The following CCDC171 variants were observed in gnomAD, a reference collection of about 807,000 sequenced individuals.
CCDC171 encodes the protein coiled-coil domain containing 171.
A neutral mutation model predicts 168.2 loss-of-function variants in CCDC171; 177 were observed. That is an observed-to-expected ratio of 1.05 (90% CI 0.93 to 1.19). The LOEUF is 1.19. Among genes scored for constraint, CCDC171 ranks in the 50% most tolerant of loss-of-function variants. CCDC171 has a pLI of 0.00. For synonymous variants in CCDC171, 687 were observed against 540.8 expected (o/e 1.27, Z -3.75); for missense variants, 1,991 against 1,539.0 (o/e 1.29, Z -4.91).
rs1451922490 is a variant in CCDC171 at position 15,819,839 on chromosome 9, C to G, written c.3268-26863C>G. On this transcript the variant is annotated intron_variant, in intron 21 of 25. Transcript: ENST00000380701. The stretch of plus-strand genomic sequence containing the variant: ...TGAACTCAGCTCTGCACGAAGAGGA[C>G]CTAATAGACATCTACAGAACTCTCC... Among the ~76,000 whole-genome samples the G allele has an allele frequency of 2.6e-5, 3 of 117,344 alleles. 1 individual carries two copies. Among genetic ancestry groups the G allele is most frequent in the African/African-American group, 9.6e-5 (3 of 31,124 alleles). The allele number at this position is 117,344 out of a possible 152,430, so 77.0% of individuals were successfully genotyped here. A position where few individuals can be genotyped will look rare whatever the true frequency, so the allele number is the denominator to read the frequency against.
intron 11 of CCDC171, among the ~76,000 whole-genome samples, chr9:15,713,326 T>C (rs1189241057): frequency 1.3e-5 from 2 of 151,306 alleles, no homozygotes; most frequent in African/African-American, 4.9e-5. Context: ...TTTTTTTTTT[T>C]TTCTATTTGT....
At chr9:15,903,273 G>C (rs146792631) in intron 24 of CCDC171, among the ~76,000 whole-genome samples, 1 of 152,122 alleles carries the variant, frequency 6.6e-6, no homozygotes, top group Non-Finnish European at 1.5e-5. Context: ...TAACTGGGAG[G>C]CACCCCCCTA....
At chr9:16,082,287 T>G in the CCDC171 span, among the ~76,000 whole-genome samples, 1 of 152,250 alleles carries the variant, frequency 6.6e-6, no homozygotes. Context: ...ATAAAATGAT[T>G]ATTTCCAACA....
chr9:15,652,788 C>A (rs1288122315), intron 7 of CCDC171, among the ~76,000 whole-genome samples: 2 of 152,076 alleles, frequency 1.3e-5, no homozygotes, highest in African/African-American at 4.8e-5. Flanking sequence ...CATATGTCTT[C>A]CATCTTTATT....
At chr9:16,065,006 T>C (rs919330182), downstream of CCDC171, among the ~76,000 whole-genome samples, 2 of 152,224 alleles carry the variant, frequency 1.3e-5, no homozygotes, top group Admixed American at 1.3e-4. Context: ...ATTTGTATTG[T>C]TAAGTGCACC....
At chr9:16,083,902 G>C in the CCDC171 span, among the ~76,000 whole-genome samples, 2 of 152,218 alleles carry the variant, frequency 1.3e-5, no homozygotes, top group Non-Finnish European at 2.9e-5. Context: ...GCAGGGCTCA[G>C]TCCTCCCTTT....
chr9:16,099,341 G>A, the CCDC171 span, among the ~76,000 whole-genome samples: 9 of 152,190 alleles, frequency 5.9e-5, no homozygotes, highest in Non-Finnish European at 5.9e-5. Context: ...TGGCAGAGGA[G>A]CCTCCAGGCT....
chr9:15,894,312 G>A (rs1820607686), intron 24 of CCDC171, among the ~76,000 whole-genome samples: 1 of 152,076 alleles, frequency 6.6e-6, no homozygotes, highest in African/African-American at 2.4e-5. Context: ...AGGAAGGATA[G>A]CTAATGGATG....
chr9:15,649,641 T>C (rs2047343553), intron 7 of CCDC171, among the ~76,000 whole-genome samples: 1 of 152,198 alleles, frequency 6.6e-6, no homozygotes, highest in African/African-American at 2.4e-5. Flanking sequence ...AACAGACACA[T>C]GAAAAAATGC....
At chr9:15,714,670 T>C (rs1279256202) in intron 11 of CCDC171, among the ~76,000 whole-genome samples, 2 of 152,204 alleles carry the variant, frequency 1.3e-5, no homozygotes, top group Admixed American at 6.5e-5. Context: ...CGGTATTTTT[T>C]GGCACTATGT....
Position 15,618,645 on chromosome 9 carries a change from A to G in CCDC171, c.676-4622A>G, listed in dbSNP as rs558290295. Among the ~76,000 whole-genome samples the G allele has an allele frequency of 2.0e-5, 3 of 152,320 alleles. No homozygotes were observed. The South Asian group carries it at 6.2e-4, about 32-fold the overall frequency. On this transcript the variant is annotated intron_variant, in intron 6 of 25. Coordinates refer to ENST00000380701, the MANE Select transcript of CCDC171 (RefSeq NM_173550.4). The stretch of plus-strand genomic sequence containing the variant: ...GCTTGAAACACAGGGCCCTGGTGGC[A>G]TAGGGTCACGAGGGAATCTCCTGAT...
chr9:15,750,304 T>C (rs1015118062), intron 18 of CCDC171, among the ~76,000 whole-genome samples: 3 of 151,802 alleles, frequency 2.0e-5, no homozygotes, highest in African/African-American at 4.8e-5. Context: ...CAATAACAGG[T>C]TCTGAAATTG....
chr9:15,861,075 A>T (rs1364996462), intron 23 of CCDC171, among the ~76,000 whole-genome samples: 1 of 151,490 alleles, frequency 6.6e-6, no homozygotes, highest in East Asian at 1.9e-4. Context: ...TCTATTTTGT[A>T]TGATATAAAT....
At position 15,561,715 on chromosome 9, in the gene CCDC171, C is replaced by T. The variant is rs79568814; in HGVS notation, c.-111-2263C>T. On this transcript the variant is annotated intron_variant, in intron 1 of 25. Transcript: ENST00000380701. ...ATCATAGTTCATATTCAGCCACTGACCGTATCAACTTTGGTCCTTCATTGA... is the reference window on the plus strand; with the variant it reads ...ATCATAGTTCATATTCAGCCACTGATCGTATCAACTTTGGTCCTTCATTGA... 2.0e-5 allele frequency among the ~76,000 whole-genome samples: 3 copies of T among 152,218 alleles called. 1 individual carries two copies. In the East Asian group the frequency reaches 5.8e-4, roughly 29 times the overall value.
the CCDC171 span, among the ~76,000 whole-genome samples, chr9:16,074,332 A>G: frequency 3.9e-5 from 6 of 152,188 alleles, no homozygotes; most frequent in African/African-American, 9.7e-5. Context: ...CTGGCATTTT[A>G]GTGAAGTTTT....
intron 7 of CCDC171, among the ~76,000 whole-genome samples, chr9:15,629,735 C>G (rs776514411): frequency 1.3e-5 from 2 of 152,088 alleles, no homozygotes; most frequent in Non-Finnish European, 2.9e-5. Context: ...TCAGATTCAC[C>G]AAAGTTGAAA....
chr9:16,076,226 C>G, the CCDC171 span, among the ~76,000 whole-genome samples: 1 of 152,192 alleles, frequency 6.6e-6, no homozygotes, highest in Non-Finnish European at 1.5e-5. Context: ...AACTCCTTTT[C>G]CAACATGGGA....
intron 11 of CCDC171, among the ~76,000 whole-genome samples, chr9:15,715,435 A>C (rs2053009245): frequency 6.6e-6 from 1 of 152,228 alleles, no homozygotes; most frequent in Admixed American, 6.5e-5. Context: ...AGTGCTTTTA[A>C]AATGAAAACA....
the CCDC171 span, among the ~76,000 whole-genome samples, chr9:16,093,701 A>C: frequency 2.0e-5 from 3 of 152,192 alleles, no homozygotes; most frequent in Non-Finnish European, 4.4e-5. Flanking sequence ...CTTAAGAGTG[A>C]GAAAGAACTA....
Sources: gnomAD v4.1 joint callset for allele counts (sites outside exome capture counted in the v4.1 genomes callset) on GRCh38, gnomAD v4.1.1 for gene constraint, MANE v1.5 for transcripts, NCBI Gene and HGNC (gene_info 2026-07-23, HGNC 2026-07-21) for gene names.